The following DCDC1 variants were observed in gnomAD, a reference collection of about 807,000 sequenced individuals.
The protein encoded by DCDC1 is doublecortin domain-containing protein 1.
DCDC1 carries 200 observed loss-of-function variants against 178.3 expected under a neutral mutation model. The observed-to-expected ratio is 1.12, with a 90% CI of 1.00 to 1.26. DCDC1 has a LOEUF of 1.26. Among genes scored for constraint, DCDC1 ranks in the 50% most tolerant of loss-of-function variants. The pLI, the probability that DCDC1 is intolerant of heterozygous loss-of-function variation, is 0.00. For synonymous variants in DCDC1, 690 were observed against 604.8 expected (o/e 1.14, Z -2.07); for missense variants, 1,983 against 1,749.2 (o/e 1.13, Z -2.38).
chr11:31,199,706 T>C (rs186949034), intron 9 of DCDC1, among the ~76,000 whole-genome samples: 318 of 152,188 alleles, frequency 2.1e-3, no homozygotes, highest in Admixed American at 4.8e-3. Context: ...ATTTAAAAAA[T>C]AGAATTCCTA....
At chr11:31,307,358 C>T (rs1948525517) in intron 4 of DCDC1, 1 of 332,214 alleles carries the variant, frequency 3.0e-6, no homozygotes, top group Non-Finnish European at 5.5e-6. Context: ...TAAATAAGTT[C>T]GTGTGAGCAA....
intron 20 of DCDC1, among the ~76,000 whole-genome samples, chr11:31,001,125 GCTC>G (rs1951551627): frequency 1.3e-5 from 2 of 152,030 alleles, no homozygotes; most frequent in Admixed American, 1.3e-4. Context: ...ATAAGAAAGA[GCTC>G]CTCTTGTTCA....
intron 20 of DCDC1, among the ~76,000 whole-genome samples, chr11:31,011,437 A>T (rs1168076229): frequency 3.9e-5 from 6 of 152,230 alleles, no homozygotes; most frequent in Non-Finnish European, 8.8e-5. Flanking sequence ...GACAAGCAAT[A>T]GAAAATGGGT....
chr11:31,188,324 T>C (rs1969752483), intron 9 of DCDC1, among the ~76,000 whole-genome samples: 1 of 152,176 alleles, frequency 6.6e-6, no homozygotes, highest in African/African-American at 2.4e-5. Flanking sequence ...CCATTATCCA[T>C]TGCAGCATTA....
In DCDC1 at chr11:31,348,059, T is replaced by C. The variant is rs545229662; in HGVS notation, c.-124-12495A>G. 1.1e-3 allele frequency among the ~76,000 whole-genome samples: 164 copies of C among 152,334 alleles called. 2 individuals carry two copies. Among genetic ancestry groups the C allele is most frequent in the African/African-American group, 3.7e-3 (152 of 41,586 alleles). On this transcript the variant is annotated intron_variant, in intron 1 of 38. Transcript: ENST00000684477. ...TTACATGTTAGTAACTTGCTTACTA[T>C]GTATATTTAGTACATATTCTAAATT...
chr11:30,985,840 T>A (rs921221407), intron 20 of DCDC1, among the ~76,000 whole-genome samples: 1 of 152,164 alleles, frequency 6.6e-6, no homozygotes, highest in African/African-American at 2.4e-5. Context: ...GGAAATAAAT[T>A]CCAAAACTAA....
chr11:31,328,063 A>G, intron 3 of DCDC1, 54 bp downstream of exon 3: 1 of 1,495,256 alleles, frequency 6.7e-7, no homozygotes, highest in East Asian at 2.4e-5. Flanking sequence ...ACTTTCTATA[A>G]ACACTTTTAT....
intron 20 of DCDC1, among the ~76,000 whole-genome samples, chr11:30,975,859 A>G (rs554155074): frequency 8.0e-4 from 122 of 152,092 alleles, no homozygotes; most frequent in South Asian, 5.2e-3. Flanking sequence ...TAGAAAAAAA[A>G]TTCTAAAATT....
intron 6 of DCDC1, among the ~76,000 whole-genome samples, chr11:31,293,189 G>A (rs868405045): frequency 6.6e-6 from 1 of 152,098 alleles, no homozygotes. Flanking sequence ...TGCTTATTAT[G>A]GAGCATTGGA....
intron 20 of DCDC1, among the ~76,000 whole-genome samples, chr11:30,969,123 A>G (rs1387944650): frequency 6.6e-6 from 1 of 152,182 alleles, no homozygotes; most frequent in Non-Finnish European, 1.5e-5. Context: ...TCTGTGGTAG[A>G]ATAATGGTCC....
intron 20 of DCDC1, among the ~76,000 whole-genome samples, chr11:30,985,062 T>C (rs1950573478): frequency 1.3e-5 from 2 of 152,168 alleles, no homozygotes; most frequent in South Asian, 4.1e-4. Context: ...TTGTGAATCA[T>C]CCCAAGAAAG....
chr11:31,042,684 A>C lies in DCDC1; in HGVS notation c.2591+21785T>G, dbSNP rs148298628. 4.5e-3 allele frequency among the ~76,000 whole-genome samples: 690 copies of C among 152,292 alleles called. 7 individuals carry two copies. Among genetic ancestry groups the C allele is most frequent in the African/African-American group, 0.016 (663 of 41,544 alleles). ...CCATAGATATCAAACATATCTACAA[A>C]AATATCTTTTGAATAGGAAAGACAC... On this transcript the variant is annotated intron_variant, in intron 20 of 38. Transcript: ENST00000684477.
At chr11:31,003,361 C>T (rs1393368705) in intron 20 of DCDC1, among the ~76,000 whole-genome samples, 1 of 152,088 alleles carries the variant, frequency 6.6e-6, no homozygotes, top group Non-Finnish European at 1.5e-5. Context: ...TTCTCCTGTT[C>T]ATATTTCCTA....
At position 31,345,153 on chromosome 11, in the gene DCDC1, T is replaced by TA. The variant is rs1403725645; in HGVS notation, c.-124-9590dup. 1.5e-4 allele frequency among the ~76,000 whole-genome samples: 23 copies of TA among 151,780 alleles called. 1 individual carries two copies. Among genetic ancestry groups the TA allele is most frequent in the East Asian group, 9.7e-4 (5 of 5,148 alleles). On this transcript the variant is annotated intron_variant, in intron 1 of 38. Transcript: ENST00000684477. ...AACCTTATGGTCAAAGGCCATTTTT[T>TA]AAAAAAAACCTTATTATAGTATGTG...
rs1451117819 is a variant in DCDC1, at chr11:31,004,518, G to A, written c.2592-51950C>T. Among the ~76,000 whole-genome samples the A allele has an allele frequency of 5.1e-5, 7 of 138,284 alleles. No individual in the cohort carries two copies. In the South Asian group the frequency reaches 9.4e-4, roughly 19 times the overall value. 90.7% of individuals were successfully genotyped at this position (138,284 alleles called of 152,430 possible). A position where few individuals can be genotyped will look rare whatever the true frequency, so the allele number is the denominator to read the frequency against. The stretch of plus-strand genomic sequence containing the variant: ...GAAACCCCGTCTCTACTAAACATAC[G>A]AAAAAAAAAAAAAAATTAGCTGGGC... On this transcript the variant is annotated intron_variant, in intron 20 of 38. Coordinates refer to ENST00000684477, the MANE Select transcript of DCDC1 (RefSeq NM_001387274.1).
intron 20 of DCDC1, among the ~76,000 whole-genome samples, chr11:31,031,590 C>T (rs893124956): frequency 2.0e-5 from 3 of 151,968 alleles, no homozygotes; most frequent in African/African-American, 7.2e-5. Context: ...AAAATGTACA[C>T]ACTTATTGTA....
rs577624580 is a variant in DCDC1, at chr11:31,257,418, AT to A, written c.1054+8088del. ...GGCTTCACCTACAGAAAGGTGATAG[AT>A]TTTTTTTAACAAAAGGAACACTCTA... On this transcript the variant is annotated intron_variant, in intron 8 of 38. Coordinates refer to ENST00000684477, the MANE Select transcript of DCDC1 (RefSeq NM_001387274.1). Among the ~76,000 whole-genome samples the A allele has an allele frequency of 2.0e-4, 30 of 152,136 alleles. 1 individual carries two copies. In the South Asian group the frequency reaches 2.3e-3, roughly 12 times the overall value.
At chr11:31,082,610 T>C (rs547060041) in intron 17 of DCDC1, among the ~76,000 whole-genome samples, 63 of 145,524 alleles carry the variant, frequency 4.3e-4, no homozygotes, top group Admixed American at 9.7e-4. Flanking sequence ...TCTATATCTA[T>C]ACATCACACA....
intron 36 of DCDC1, among the ~76,000 whole-genome samples, chr11:30,884,590 T>C (rs886547324): frequency 6.6e-6 from 1 of 152,010 alleles, no homozygotes; most frequent in South Asian, 2.1e-4. Context: ...TATTAATAGT[T>C]TACCTGTTCA....
Sources: allele counts gnomAD v4.1 joint callset (sites outside exome capture counted in the v4.1 genomes callset), GRCh38; gene constraint gnomAD v4.1.1; transcripts MANE v1.5; gene names NCBI Gene and HGNC (gene_info 2026-07-23, HGNC 2026-07-21).